DYNC1I1: variants seen among roughly 807,000 people sequenced by gnomAD.
The protein encoded by DYNC1I1 is cytoplasmic dynein 1 intermediate chain 1.
A neutral mutation model predicts 86.6 loss-of-function variants in DYNC1I1; 43 were observed. The ratio of observed to expected loss-of-function variants is 0.50; its 90% CI spans 0.39 to 0.64. DYNC1I1 has a LOEUF of 0.64. Ranked by LOEUF, DYNC1I1 falls within the 30% of genes least tolerant of loss-of-function variation. The pLI is 0.00. For synonymous variants in DYNC1I1, 262 were observed against 283.7 expected, an observed-to-expected ratio of 0.92 and a Z score of 0.77; for missense variants, 604 against 788.8, an observed-to-expected ratio of 0.77 and a Z score of 2.81.
chr7:95,978,806 T>C (rs1793376823), intron 7 of DYNC1I1, among the ~76,000 whole-genome samples: 1 of 152,088 alleles, frequency 6.6e-6, no homozygotes, highest in Admixed American at 6.6e-5. Context: ...GGGACAATTT[T>C]TTTTTTTTTG....
intron 6 of DYNC1I1, among the ~76,000 whole-genome samples, chr7:95,870,471 G>A (rs1156421439): frequency 6.6e-6 from 1 of 152,210 alleles, no homozygotes; most frequent in African/African-American, 2.4e-5. Context: ...TTGCTGCAGT[G>A]GCAGGGTTGA....
Position 96,097,737 on chromosome 7 carries a change from A to G in DYNC1I1, c.*144A>G, listed in dbSNP as rs555830284. 85 of 1,414,790 alleles carry G rather than the reference A, an allele frequency of 6.0e-5. No individual in the cohort carries two copies. The African/African-American group carries it at 7.0e-4, about 12-fold the overall frequency. The allele number at this position is 1,414,790 out of a possible 1,614,324, so 87.6% of individuals were successfully genotyped here. A position where few individuals can be genotyped will look rare whatever the true frequency, so the allele number is the denominator to read the frequency against. The stretch of plus-strand genomic sequence containing the variant: ...GCCATATTGTGCCAGCTTTGCTCCA[A>G]GTATTCTAAATGTGTCCCATCATGC... On this transcript the variant is annotated 3_prime_UTR_variant, in exon 17 of 17. Coordinates refer to ENST00000447467, the MANE Select transcript of DYNC1I1 (RefSeq NM_001135556.2).
chr7:95,990,071 A>G (rs1367862244), intron 9 of DYNC1I1, among the ~76,000 whole-genome samples: 2 of 152,232 alleles, frequency 1.3e-5, no homozygotes, highest in Admixed American at 6.5e-5. Context: ...AGGTTTCAGC[A>G]TAGCTTTCCT....
At chr7:95,893,108 C>T (rs1417758182) in intron 6 of DYNC1I1, among the ~76,000 whole-genome samples, 1 of 152,070 alleles carries the variant, frequency 6.6e-6, no homozygotes, top group African/African-American at 2.4e-5. Context: ...AAATAGCTTC[C>T]TGGTTTCAGC....
intron 14 of DYNC1I1, among the ~76,000 whole-genome samples, chr7:96,068,654 T>C (rs2116212811): frequency 6.6e-6 from 1 of 152,300 alleles, no homozygotes; most frequent in African/African-American, 2.4e-5. Context: ...GCGAGATCAC[T>C]AATGTGAGAT....
chr7:95,811,642 A>T (rs1486719825), intron 3 of DYNC1I1, among the ~76,000 whole-genome samples: 1 of 152,132 alleles, frequency 6.6e-6, no homozygotes, highest in Non-Finnish European at 1.5e-5. Flanking sequence ...AATAGGTAAA[A>T]ATAGTATGTT....
At chr7:96,026,426 T>C (rs1794684246) in intron 10 of DYNC1I1, among the ~76,000 whole-genome samples, 1 of 151,446 alleles carries the variant, frequency 6.6e-6, no homozygotes, top group Admixed American at 6.6e-5. Flanking sequence ...TCATAGGTTT[T>C]TTTTTGGGGT....
At chr7:96,037,689 G>A (rs1584268916) in intron 13 of DYNC1I1, among the ~76,000 whole-genome samples, 1 of 152,026 alleles carries the variant, frequency 6.6e-6, no homozygotes, top group African/African-American at 2.4e-5. Context: ...GAACATTCTT[G>A]TTCTGTGGCT....
intron 16 of DYNC1I1, among the ~76,000 whole-genome samples, chr7:96,095,233 C>A (rs1790966819): frequency 6.6e-6 from 1 of 152,184 alleles, no homozygotes; most frequent in Non-Finnish European, 1.5e-5. Flanking sequence ...AGACTCACTT[C>A]TGTTCTAAAC....
intron 1 of DYNC1I1, among the ~76,000 whole-genome samples, chr7:95,790,576 A>G (rs544844739): frequency 6.6e-6 from 1 of 152,266 alleles, no homozygotes; most frequent in South Asian, 2.1e-4. Context: ...ATCTTTAGTA[A>G]CTCTGTGTTT....
chr7:95,913,897 C>A (rs1375444943), intron 6 of DYNC1I1, among the ~76,000 whole-genome samples: 1 of 152,190 alleles, frequency 6.6e-6, no homozygotes, highest in Non-Finnish European at 1.5e-5. Context: ...GGAGGTAGCC[C>A]CATCCTCATC....
chr7:95,944,206 T>G (rs1792327365), intron 6 of DYNC1I1, among the ~76,000 whole-genome samples: 3 of 152,190 alleles, frequency 2.0e-5, no homozygotes, highest in South Asian at 4.1e-4. Context: ...CATCAAAAAG[T>G]GGGCAAAGGA....
intron 14 of DYNC1I1, among the ~76,000 whole-genome samples, chr7:96,063,833 G>T (rs1789867835): frequency 6.6e-6 from 1 of 152,118 alleles, no homozygotes; most frequent in African/African-American, 2.4e-5. Context: ...ATTGATCCTT[G>T]GTTATGGACA....
At position 95,810,443 on chromosome 7, in the gene DYNC1I1, C is replaced by A; in HGVS notation, c.160C>A (p.Arg54Ser). The A allele has an allele frequency of 1.2e-6, 2 of 1,613,082 alleles. No individual in the cohort carries two copies. Among genetic ancestry groups the A allele is most frequent in the Non-Finnish European group, 1.7e-6 (2 of 1,179,412 alleles). ...CGTTCAGGACGACTCTGATCTGGATCGCAAACGACGAGAGACAGAGGCTTT... is the reference window on the plus strand; with the variant it reads ...CGTTCAGGACGACTCTGATCTGGATAGCAAACGACGAGAGACAGAGGCTTT... ...EPVQDDSDLD[R>S]KRRETEALLQ... Residue 54 changes from arginine (R) to serine (S), a missense_variant, in exon 3 of 17, where the codon CGC (arginine) becomes AGC (serine). Transcript: ENST00000447467.
chr7:95,967,814 G>A (rs577131827), intron 6 of DYNC1I1, among the ~76,000 whole-genome samples: 4 of 152,272 alleles, frequency 2.6e-5, no homozygotes, highest in South Asian at 2.1e-4. Context: ...TCTGACTGAG[G>A]GGAAGCATGA....
At chr7:95,868,181 C>G (rs1043577288) in intron 5 of DYNC1I1, among the ~76,000 whole-genome samples, 1 of 152,200 alleles carries the variant, frequency 6.6e-6, no homozygotes, top group Non-Finnish European at 1.5e-5. Flanking sequence ...TTCAGGCCTG[C>G]GTGGAGCCTG....
chr7:95,794,776 A>G (rs753738247), intron 1 of DYNC1I1, among the ~76,000 whole-genome samples: 1 of 152,204 alleles, frequency 6.6e-6, no homozygotes, highest in Non-Finnish European at 1.5e-5. Flanking sequence ...TGTAGACACA[A>G]CAGTCTTAAA....
chr7:95,869,434 G>C (rs978032361), intron 5 of DYNC1I1, among the ~76,000 whole-genome samples: 1 of 151,446 alleles, frequency 6.6e-6, no homozygotes, highest in African/African-American at 2.4e-5. Context: ...TCCCCTCACT[G>C]CTATGATAGA....
chr7:95,947,203 C>T (rs976623081), intron 6 of DYNC1I1, among the ~76,000 whole-genome samples: 1 of 152,142 alleles, frequency 6.6e-6, no homozygotes, highest in Admixed American at 6.5e-5. Flanking sequence ...AAATACCTAG[C>T]GCAGTGAGTG....
Sources: allele counts gnomAD v4.1 joint callset (sites outside exome capture counted in the v4.1 genomes callset), GRCh38; gene constraint gnomAD v4.1.1; transcripts MANE v1.5; gene names NCBI Gene and HGNC (gene_info 2026-07-23, HGNC 2026-07-21).